Variants in BRINP3 observed in about 807,000 individuals in gnomAD.
BRINP3 encodes the protein BMP/retinoic acid inducible neural specific 3.
BRINP3 carries 19 observed loss-of-function variants against 71.0 expected under a neutral mutation model. The ratio of observed to expected loss-of-function variants is 0.27; its 90% CI spans 0.19 to 0.39. The LOEUF (loss-of-function observed/expected upper bound fraction) is 0.39, where lower values mean the gene tolerates loss of function less well. Among genes scored for constraint, BRINP3 ranks in the 10% least tolerant of loss-of-function variants. The pLI is 1.00. For synonymous variants in BRINP3, 380 were observed against 337.7 expected, an observed-to-expected ratio of 1.13 and a Z score of -1.37; for missense variants, 959 against 940.8, an observed-to-expected ratio of 1.02 and a Z score of -0.25.
chr1:190,363,021 T>G (rs1669248375), intron 2 of BRINP3, among the ~76,000 whole-genome samples: 1 of 152,122 alleles, frequency 6.6e-6, no homozygotes, highest in Admixed American at 6.6e-5. Flanking sequence ...CACTTGACTT[T>G]GAGTTAAATA....
chr1:190,234,325 AT>A, intron 5 of BRINP3, 46 bp downstream of exon 5: 1 of 1,390,022 alleles, frequency 7.2e-7, no homozygotes, highest in Non-Finnish European at 1.0e-6. Context: ...CGACTGGATA[AT>A]TGCTATTCAG....
chr1:190,187,320 T>C (rs997956149), intron 6 of BRINP3, among the ~76,000 whole-genome samples: 9 of 152,166 alleles, frequency 5.9e-5, no homozygotes, highest in African/African-American at 1.9e-4. Context: ...TCTCTCCCAT[T>C]CTACTGGTTT....
At chr1:190,171,844 C>T (rs969314274) in intron 6 of BRINP3, among the ~76,000 whole-genome samples, 6 of 151,984 alleles carry the variant, frequency 3.9e-5, no homozygotes, top group Non-Finnish European at 7.4e-5. Context: ...CAGTGGCTTA[C>T]GCCAGTAATC....
chr1:190,417,650 C>T (rs774839130), intron 2 of BRINP3, among the ~76,000 whole-genome samples: 2 of 151,996 alleles, frequency 1.3e-5, no homozygotes, highest in Non-Finnish European at 2.9e-5. Context: ...ATAATTGGCC[C>T]ATCTCTAAAG....
At chr1:190,427,045 ATTCTT>A (rs1447854879) in intron 2 of BRINP3, among the ~76,000 whole-genome samples, 1 of 151,890 alleles carries the variant, frequency 6.6e-6, no homozygotes, top group African/African-American at 2.4e-5. Context: ...TTTGTATACT[ATTCTT>A]TCTAGTGTTA....
chr1:190,392,067 A>T (rs1671284445), intron 2 of BRINP3, among the ~76,000 whole-genome samples: 1 of 151,642 alleles, frequency 6.6e-6, no homozygotes, highest in Non-Finnish European at 1.5e-5. Flanking sequence ...CCAAAAAAAA[A>T]AAATGATTTA....
chr1:190,121,127 CAG>C (rs1653614817), intron 7 of BRINP3, among the ~76,000 whole-genome samples: 1 of 151,984 alleles, frequency 6.6e-6, no homozygotes. Context: ...AGCTGAAAAA[CAG>C]AAAAGTTTTA....
At chr1:190,440,427 T>C (rs140547684) in intron 2 of BRINP3, among the ~76,000 whole-genome samples, 99 of 152,104 alleles carry the variant, frequency 6.5e-4, no homozygotes, top group African/African-American at 2.2e-3. Flanking sequence ...CAGTCCGTTC[T>C]ACGGCATATT....
At chr1:190,334,870 A>G (rs1667188937) in intron 2 of BRINP3, among the ~76,000 whole-genome samples, 1 of 151,826 alleles carries the variant, frequency 6.6e-6, no homozygotes, top group South Asian at 2.1e-4. Flanking sequence ...GATTAGGAAC[A>G]TGCAAAAAAA....
intron 7 of BRINP3, among the ~76,000 whole-genome samples, chr1:190,153,029 G>A (rs1376819081): frequency 6.6e-6 from 1 of 152,120 alleles, no homozygotes; most frequent in Non-Finnish European, 1.5e-5. Flanking sequence ...GAGCCATGGT[G>A]GCTGAAATGT....
At chr1:190,414,614 CA>C (rs1553315503) in intron 2 of BRINP3, among the ~76,000 whole-genome samples, 2 of 152,088 alleles carry the variant, frequency 1.3e-5, no homozygotes, top group Non-Finnish European at 2.9e-5. Context: ...TAGAAAGAGG[CA>C]AATGGGAATA....
intron 2 of BRINP3, among the ~76,000 whole-genome samples, chr1:190,393,359 C>T (rs927015072): frequency 4.0e-5 from 6 of 151,556 alleles, no homozygotes; most frequent in Non-Finnish European, 8.9e-5. Context: ...TGGCCTTCTG[C>T]CTTCGGTGCA....
intron 7 of BRINP3, among the ~76,000 whole-genome samples, chr1:190,135,775 C>G (rs753603618): frequency 1.3e-4 from 20 of 152,084 alleles, no homozygotes; most frequent in Non-Finnish European, 2.8e-4. Flanking sequence ...TTATATTCTT[C>G]ATATTATCTG....
chr1:190,302,707 G>A (rs533525573), intron 2 of BRINP3: 1 of 151,940 alleles, frequency 6.6e-6, no homozygotes, highest in South Asian at 2.1e-4. Context: ...CTGCAGGTTA[G>A]TTTTGGGTTG....
At chr1:190,387,177 T>G (rs772468694) in intron 2 of BRINP3, among the ~76,000 whole-genome samples, 36 of 152,148 alleles carry the variant, frequency 2.4e-4, no homozygotes, top group South Asian at 4.1e-4. Flanking sequence ...AAATTCACAA[T>G]AAATTTTAAA....
At chr1:190,158,967 T>C (rs1657111028) in intron 7 of BRINP3, among the ~76,000 whole-genome samples, 1 of 151,914 alleles carries the variant, frequency 6.6e-6, no homozygotes, top group Non-Finnish European at 1.5e-5. Flanking sequence ...ATCATACAAC[T>C]GATAGGGAAC....
chr1:190,374,819 G>C (rs1291529237), intron 2 of BRINP3, among the ~76,000 whole-genome samples: 3 of 151,844 alleles, frequency 2.0e-5, no homozygotes, highest in Non-Finnish European at 4.4e-5. Context: ...GAAAATAATA[G>C]AAAAAGTTAG....
At chr1:190,440,719 T>G (rs186614569) in intron 2 of BRINP3, among the ~76,000 whole-genome samples, 3 of 152,132 alleles carry the variant, frequency 2.0e-5, no homozygotes, top group Non-Finnish European at 4.4e-5. Context: ...ATGTGTTGTC[T>G]TCGCCTCTCC....
At chr1:190,431,005 T>C (rs999833436) in intron 2 of BRINP3, among the ~76,000 whole-genome samples, 4 of 152,098 alleles carry the variant, frequency 2.6e-5, no homozygotes, top group East Asian at 1.9e-4. Context: ...TAATGTCTCA[T>C]AGAAATATAG....
Sources: allele counts gnomAD v4.1 joint callset (sites outside exome capture counted in the v4.1 genomes callset), GRCh38; gene constraint gnomAD v4.1.1; transcripts MANE v1.5; gene names NCBI Gene and HGNC (gene_info 2026-07-23, HGNC 2026-07-21).